The following NDUFAF2 variants were observed in gnomAD, a reference collection of about 807,000 sequenced individuals.
The protein encoded by NDUFAF2 is NADH:ubiquinone oxidoreductase complex assembly factor 2.
Under a neutral mutation model 22.8 loss-of-function variants are expected in NDUFAF2, and 13 were observed. The ratio of observed to expected loss-of-function variants is 0.57; its 90% confidence interval spans 0.37 to 0.91. The LOEUF (loss-of-function observed/expected upper bound fraction) is 0.91. Among genes scored for constraint, NDUFAF2 ranks in the 40% least tolerant of loss-of-function variants. The pLI is 0.01. For synonymous variants in NDUFAF2, 53 were observed against 64.2 expected, an observed-to-expected ratio of 0.83 and a Z score of 0.84; for missense variants, 162 against 195.2, an observed-to-expected ratio of 0.83 and a Z score of 1.01.
At chr5:60,952,355 A>C (rs1416488335) in intron 1 of NDUFAF2, among the ~76,000 whole-genome samples, 2 of 151,940 alleles carry the variant, frequency 1.3e-5, no homozygotes, top group Non-Finnish European at 2.9e-5. Flanking sequence ...AATTTCTTGT[A>C]GGCACTGTTT....
At chr5:61,091,560 G>A (rs1172860676) in intron 2 of NDUFAF2, among the ~76,000 whole-genome samples, 2 of 152,004 alleles carry the variant, frequency 1.3e-5, no homozygotes, top group Non-Finnish European at 2.9e-5. Flanking sequence ...TCTTACAGAT[G>A]CTGAATATTA....
intron 1 of NDUFAF2, among the ~76,000 whole-genome samples, chr5:61,013,045 C>T (rs1302612992): frequency 1.3e-5 from 2 of 151,908 alleles, no homozygotes; most frequent in South Asian, 4.1e-4. Context: ...AAAACTTCTC[C>T]AACAGTTTGG....
At chr5:61,066,770 T>C (rs1752233502) in intron 1 of NDUFAF2, among the ~76,000 whole-genome samples, 1 of 152,162 alleles carries the variant, frequency 6.6e-6, no homozygotes, top group Non-Finnish European at 1.5e-5. Context: ...TTATACTGTA[T>C]TTTTTAAATT....
At chr5:61,147,554 G>A (rs576379205) in intron 3 of NDUFAF2, among the ~76,000 whole-genome samples, 13 of 148,134 alleles carry the variant, frequency 8.8e-5, no homozygotes, top group East Asian at 2.0e-4. Context: ...GATTACAGGC[G>A]TGAGCCACCA....
At chr5:61,040,282 ACACACG>A (rs1350356221) in intron 1 of NDUFAF2, among the ~76,000 whole-genome samples, 79 of 84,100 alleles carry the variant, frequency 9.4e-4, no homozygotes, top group African/African-American at 3.4e-3. Context: ...ACACACACAC[ACACACG>A]CGCGCGCGCG....
At chr5:61,142,178 TTAAC>T (rs1741070108) in intron 3 of NDUFAF2, among the ~76,000 whole-genome samples, 1 of 152,220 alleles carries the variant, frequency 6.6e-6, no homozygotes, top group African/African-American at 2.4e-5. Context: ...TTATTAATGT[TTAAC>T]TGCTAAATTT....
At chr5:61,015,306 G>A (rs573068938) in intron 1 of NDUFAF2, among the ~76,000 whole-genome samples, 2 of 152,106 alleles carry the variant, frequency 1.3e-5, no homozygotes, top group South Asian at 2.1e-4. Flanking sequence ...TTTTCAGACA[G>A]GGTCTTGCTC....
At chr5:61,023,272 T>C (rs562560256) in intron 1 of NDUFAF2, among the ~76,000 whole-genome samples, 1 of 152,042 alleles carries the variant, frequency 6.6e-6, no homozygotes, top group Non-Finnish European at 1.5e-5. Flanking sequence ...ATTTTAGTTC[T>C]TTTTTTTGCA....
At chr5:61,051,198 T>C (rs879574573) in intron 1 of NDUFAF2, among the ~76,000 whole-genome samples, 16 of 152,202 alleles carry the variant, frequency 1.1e-4, no homozygotes, top group Admixed American at 7.2e-4. Flanking sequence ...GCCTCCTCTT[T>C]TGCCCACCTA....
intron 2 of NDUFAF2, among the ~76,000 whole-genome samples, chr5:61,079,895 C>T (rs1752420430): frequency 1.3e-5 from 2 of 152,100 alleles, no homozygotes. Context: ...GGGGCACAAC[C>T]GAAACTCAAA....
intron 1 of NDUFAF2, among the ~76,000 whole-genome samples, chr5:61,006,933 A>G (rs567745324): frequency 2.6e-5 from 4 of 152,250 alleles, no homozygotes; most frequent in African/African-American, 9.6e-5. Flanking sequence ...TATAGTAGAA[A>G]GAAGCTGTCA....
At chr5:61,050,351 A>G (rs1451896124) in intron 1 of NDUFAF2, 1 of 152,148 alleles carries the variant, frequency 6.6e-6, no homozygotes, top group East Asian at 1.9e-4. Context: ...GATGGAAATG[A>G]TGATGAAATG....
chr5:61,112,447 C>T (rs1173022684), intron 3 of NDUFAF2, among the ~76,000 whole-genome samples: 2 of 152,008 alleles, frequency 1.3e-5, no homozygotes, highest in Non-Finnish European at 2.9e-5. Flanking sequence ...CTTCTGACCT[C>T]GTGATCCGCC....
intron 1 of NDUFAF2, among the ~76,000 whole-genome samples, chr5:61,044,418 C>T (rs1751921696): frequency 6.6e-6 from 1 of 152,094 alleles, no homozygotes; most frequent in African/African-American, 2.4e-5. Flanking sequence ...ATATCCAAGA[C>T]ATCACTGCCA....
In NDUFAF2 at chr5:61,076,687, G is replaced by C. The variant is rs145985378; in HGVS notation, c.217+3473G>C. Among the ~76,000 whole-genome samples, 29 of 152,328 alleles carry C rather than the reference G, an allele frequency of 1.9e-4. No homozygotes were observed. The East Asian group carries it at 4.8e-3, about 25-fold the overall frequency. ...GGAAGCCATTGTAGGGTTTTGAAAA[G>C]AGTAGTCATATGTTCTGAGGTATAT... On this transcript the variant is annotated intron_variant, in intron 2 of 3. Coordinates refer to ENST00000296597, the MANE Select transcript of NDUFAF2 (RefSeq NM_174889.5).
chr5:61,129,490 T>C (rs925921928), intron 3 of NDUFAF2, among the ~76,000 whole-genome samples: 1 of 152,108 alleles, frequency 6.6e-6, no homozygotes, highest in African/African-American at 2.4e-5. Flanking sequence ...ATGTCCTTTT[T>C]AGGGACATGG....
chr5:61,014,188 C>T (rs1364155974), intron 1 of NDUFAF2, among the ~76,000 whole-genome samples: 1 of 152,176 alleles, frequency 6.6e-6, no homozygotes, highest in East Asian at 1.9e-4. Flanking sequence ...AGGGGCTGGA[C>T]GTTGAGCTAA....
At chr5:61,121,778 G>T (rs1752978930) in intron 3 of NDUFAF2, among the ~76,000 whole-genome samples, 1 of 151,952 alleles carries the variant, frequency 6.6e-6, no homozygotes. Flanking sequence ...CCTCTAGGAG[G>T]AGGGAATTCT....
At chr5:61,040,272 ACACACACACACACACGCGCG>A (rs1256819767) in intron 1 of NDUFAF2, among the ~76,000 whole-genome samples, 1 of 119,842 alleles carries the variant, frequency 8.3e-6, no homozygotes, top group African/African-American at 3.9e-5. Flanking sequence ...ACACACACAC[ACACACACACACACACGCGCG>A]CGCGCGCGCG....
Sources: gnomAD v4.1 joint callset for allele counts (sites outside exome capture counted in the v4.1 genomes callset) on GRCh38, gnomAD v4.1.1 for gene constraint, MANE v1.5 for transcripts, NCBI Gene and HGNC (gene_info 2026-07-23, HGNC 2026-07-21) for gene names.